The following CSMD3 variants were observed in gnomAD, a reference collection of about 807,000 sequenced individuals.
CSMD3 encodes the protein CUB and Sushi multiple domains 3, also known as CUB and sushi domain-containing protein 3.
In CSMD3, 177 loss-of-function variants were observed where a neutral mutation model predicts 435.2. The ratio of observed to expected loss-of-function variants is 0.41; its 90% CI spans 0.36 to 0.46. The LOEUF (loss-of-function observed/expected upper bound fraction) is 0.46. CSMD3 is among the 20% of genes least tolerant of loss of function. CSMD3 has a pLI of 0.34. For synonymous variants in CSMD3, 1,656 were observed against 1,520.5 expected (o/e 1.09, Z -2.07); for missense variants, 4,265 against 4,504.6 (o/e 0.95, Z 1.52).
intron 67 of CSMD3, 82 bp from the exon 68 acceptor site, chr8:112,234,559 G>T: frequency 2.5e-6 from 2 of 805,942 alleles, no homozygotes; most frequent in South Asian, 2.8e-5. Context: ...TCCTTAAATA[G>T]ATTATGTAAG....
At chr8:113,199,097 T>C (rs1345859038) in intron 3 of CSMD3, among the ~76,000 whole-genome samples, 1 of 149,502 alleles carries the variant, frequency 6.7e-6, no homozygotes, top group African/African-American at 2.4e-5. Flanking sequence ...TAACTATATA[T>C]AATTTCAAAT....
chr8:112,359,156 A>G (rs371243690), intron 38 of CSMD3, among the ~76,000 whole-genome samples: 6 of 152,276 alleles, frequency 3.9e-5, no homozygotes, highest in South Asian at 2.1e-4. Context: ...GCATATTTAA[A>G]TGGGTTAGAA....
intron 9 of CSMD3, among the ~76,000 whole-genome samples, chr8:112,936,894 A>C (rs2083295918): frequency 6.6e-6 from 1 of 152,176 alleles, no homozygotes; most frequent in East Asian, 1.9e-4. Context: ...CTTCAATAAA[A>C]TATTACCATA....
intron 4 of CSMD3, among the ~76,000 whole-genome samples, chr8:113,107,957 A>G (rs1564323362): frequency 6.6e-6 from 1 of 152,246 alleles, no homozygotes; most frequent in Non-Finnish European, 1.5e-5. Flanking sequence ...CAAATAAATG[A>G]ATATAAGTAT....
intron 59 of CSMD3, among the ~76,000 whole-genome samples, chr8:112,270,947 T>C (rs1817480076): frequency 6.6e-6 from 1 of 152,156 alleles, no homozygotes; most frequent in African/African-American, 2.4e-5. Context: ...TTTAAGGGTA[T>C]TATTAATTTT....
intron 1 of CSMD3, among the ~76,000 whole-genome samples, chr8:113,349,038 T>C (rs1207769651): frequency 1.3e-5 from 2 of 152,280 alleles, no homozygotes; most frequent in African/African-American, 4.8e-5. Context: ...TTAGTGTAAC[T>C]AGTTTACTAT....
At chr8:112,342,174 C>T (rs78366470) in intron 41 of CSMD3, among the ~76,000 whole-genome samples, 10 of 151,882 alleles carry the variant, frequency 6.6e-5, no homozygotes, top group African/African-American at 2.2e-4. Context: ...AGAAATATAA[C>T]GTATATAATT....
At chr8:113,358,279 CAAA>C (rs753140953) in intron 1 of CSMD3, among the ~76,000 whole-genome samples, 5 of 152,124 alleles carry the variant, frequency 3.3e-5, no homozygotes, top group Non-Finnish European at 7.4e-5. Flanking sequence ...GGATTTAAAA[CAAA>C]GAAATACTAC....
chr8:112,320,062 G>T, intron 45 of CSMD3, 81 bp from the exon 46 acceptor site: 1 of 872,028 alleles, frequency 1.1e-6, no homozygotes, highest in Non-Finnish European at 1.9e-6. Context: ...GAAAATTATG[G>T]AAAGTTGTTT....
intron 16 of CSMD3, among the ~76,000 whole-genome samples, chr8:112,680,896 G>C (rs928191094): frequency 1.3e-5 from 2 of 151,996 alleles, no homozygotes; most frequent in Non-Finnish European, 2.9e-5. Context: ...TTGGAGACAG[G>C]TAAGAGGAAA....
chr8:112,340,662 C>A (rs1046627224), intron 42 of CSMD3, among the ~76,000 whole-genome samples: 6 of 151,912 alleles, frequency 3.9e-5, no homozygotes, highest in Non-Finnish European at 7.4e-5. Flanking sequence ...TGTAAAATAT[C>A]ATTTTAATAT....
At chr8:112,391,565 G>A (rs949626602) in intron 35 of CSMD3, among the ~76,000 whole-genome samples, 3 of 152,012 alleles carry the variant, frequency 2.0e-5, no homozygotes, top group African/African-American at 2.4e-5. Flanking sequence ...GATGGTGGGC[G>A]CCTGTAGTCC....
chr8:112,886,126 A>G (rs959327876), intron 10 of CSMD3, among the ~76,000 whole-genome samples: 1 of 151,498 alleles, frequency 6.6e-6, no homozygotes, highest in Admixed American at 6.6e-5. Flanking sequence ...TTTTTTTCTG[A>G]TGTTGATTTA....
At chr8:112,336,576 T>A in intron 44 of CSMD3, 76 bp downstream of exon 44, 1 of 1,098,454 alleles carries the variant, frequency 9.1e-7, no homozygotes, top group Non-Finnish European at 1.4e-6. Context: ...AACAGAGGAT[T>A]GTGATATATT....
intron 10 of CSMD3, among the ~76,000 whole-genome samples, chr8:112,906,251 G>A (rs758186156): frequency 1.3e-5 from 2 of 151,144 alleles, no homozygotes; most frequent in Non-Finnish European, 3.0e-5. Flanking sequence ...TTCTAGATAC[G>A]TACCTCTAAC....
chr8:112,712,273 T>C (rs1382904235), intron 13 of CSMD3, among the ~76,000 whole-genome samples: 1 of 152,118 alleles, frequency 6.6e-6, no homozygotes, highest in Non-Finnish European at 1.5e-5. Context: ...AAAAAACACC[T>C]TGTAAGTTGG....
chr8:113,264,626 T>C, intron 3 of CSMD3, among the ~76,000 whole-genome samples: 1 of 151,596 alleles, frequency 6.6e-6, no homozygotes, highest in East Asian at 1.9e-4. Flanking sequence ...TTGAAATGCT[T>C]CAAAAAGTAA....
intron 10 of CSMD3, among the ~76,000 whole-genome samples, chr8:112,866,015 A>T (rs2129967901): frequency 6.6e-6 from 1 of 152,290 alleles, no homozygotes; most frequent in Middle Eastern, 3.4e-3. Flanking sequence ...TCCACAAAGG[A>T]TTCATTAACA....
chr8:112,236,712 A>C (rs1449529879), intron 67 of CSMD3, among the ~76,000 whole-genome samples: 1 of 152,158 alleles, frequency 6.6e-6, no homozygotes, highest in Non-Finnish European at 1.5e-5. Flanking sequence ...CAGAAACTTA[A>C]GAAGATTGAC....
Sources: allele counts gnomAD v4.1 joint callset (sites outside exome capture counted in the v4.1 genomes callset), GRCh38; gene constraint gnomAD v4.1.1; transcripts MANE v1.5; gene names NCBI Gene and HGNC (gene_info 2026-07-23, HGNC 2026-07-21).